Variants in IQCH observed in about 807,000 individuals in gnomAD.
IQCH encodes IQ motif containing H.
In IQCH, 98 loss-of-function variants were observed where a neutral mutation model predicts 117.0. The observed-to-expected ratio is 0.84, with a 90% CI of 0.71 to 0.99. The LOEUF is 0.99. IQCH is among the 50% of genes least tolerant of loss of function. The probability of loss-of-function intolerance (pLI) is 0.00; values close to 1 mark genes in which losing one functional copy is unlikely to be tolerated. For missense variants in IQCH, 1,102 were observed against 1,243.8 expected (o/e 0.89, Z 1.72); for synonymous variants, 412 against 448.2 (o/e 0.92, Z 1.02).
At chr15:67,358,198 C>CTTTTTTTTTTTTTT (rs1190464651) in intron 7 of IQCH, among the ~76,000 whole-genome samples, 1 of 5,466 alleles carries the variant, frequency 1.8e-4, no homozygotes, top group Non-Finnish European at 3.9e-4. Context: ...TCATGAGGCA[C>CTTTTTTTTTTTTTT]TTTCTTTTCT....
intron 10 of IQCH, 107 bp downstream of exon 10, chr15:67,373,540 C>T (rs754390729): frequency 5.6e-5 from 45 of 800,106 alleles, no homozygotes; most frequent in Admixed American, 1.1e-4. Context: ...AAATTGGTCT[C>T]GGCAGGAAAA....
At chr15:67,264,178 T>A (rs1965572547) in intron 3 of IQCH, among the ~76,000 whole-genome samples, 1 of 152,260 alleles carries the variant, frequency 6.6e-6, no homozygotes, top group Non-Finnish European at 1.5e-5. Flanking sequence ...AGCCCTTTCC[T>A]GGTCTTCCTA....
In IQCH at chr15:67,427,755, T is replaced by A. The variant is rs1567179482; in HGVS notation, c.2505+6178T>A. Among the ~76,000 whole-genome samples the A allele has an allele frequency of 1.3e-5, 2 of 152,128 alleles. No individual in the cohort carries two copies. On this transcript the variant is annotated intron_variant, in intron 16 of 20. Coordinates refer to ENST00000335894, the MANE Select transcript of IQCH (RefSeq NM_001031715.3). The surrounding 1 kb of genome is among the most constrained non-coding windows in gnomAD (Gnocchi z 4.7). ...TCACCAGGAAATAATCACAAAGATT[T>A]AAATACACATATATTAATCACATCA...
In IQCH at chr15:67,388,871, G is replaced by T; in HGVS notation, c.1497G>T (p.Met499Ile). 2 of 1,613,820 alleles carry T rather than the reference G, an allele frequency of 1.2e-6. No individual in the cohort carries two copies. The highest frequency in any genetic ancestry group is 1.7e-6 in the Non-Finnish European group (2 of 1,179,794). Residue 499 changes from methionine (M) to isoleucine (I), a missense_variant, in exon 12 of 21, where the codon ATG (methionine) becomes ATT (isoleucine). Transcript: ENST00000335894. This position sits in a 1 kb window ranked among gnomAD's most constrained non-coding sequence, Gnocchi z 5.5. The stretch of plus-strand genomic sequence containing the variant: ...TCATCTACATCTGCTCCCATCATAT[G>T]AATGACGAGTTAGTGCTGTATTACA... ...VNVIYICSHH[M>I]NDELVLYYKK...
At chr15:67,281,810 A>T (rs778004679) in intron 4 of IQCH, 2 of 453,846 alleles carry the variant, frequency 4.4e-6, no homozygotes, top group South Asian at 3.1e-5. Flanking sequence ...TTCACAGAGG[A>T]TTCTGCATAA....
chr15:67,338,233 ATCTATCTATCTATCTG>A (rs1596210187), intron 5 of IQCH, among the ~76,000 whole-genome samples: 3 of 143,700 alleles, frequency 2.1e-5, no homozygotes, highest in South Asian at 4.5e-4. Flanking sequence ...CTATCTATCT[ATCTATCTATCTATCTG>A]TCTGCTCTGC....
chr15:67,255,027 C>A, intron 1 of IQCH, 80 bp downstream of exon 1: 2 of 1,382,746 alleles, frequency 1.4e-6, no homozygotes, highest in East Asian at 2.4e-5. Flanking sequence ...GATTCACCGA[C>A]GCTCACCCAT....
At chr15:67,339,730 A>C (rs1969057377) in intron 5 of IQCH, among the ~76,000 whole-genome samples, 1 of 152,230 alleles carries the variant, frequency 6.6e-6, no homozygotes, top group East Asian at 1.9e-4. Flanking sequence ...CTCAAAAACC[A>C]AAAATTCACA....
At chr15:67,262,671 G>C (rs776824786) in intron 2 of IQCH, among the ~76,000 whole-genome samples, 3 of 152,126 alleles carry the variant, frequency 2.0e-5, no homozygotes, top group Non-Finnish European at 4.4e-5. Context: ...AATTTTATTT[G>C]TAAAGAGTGC....
At chr15:67,355,683 AT>A (rs753977090) in intron 6 of IQCH, among the ~76,000 whole-genome samples, 1 of 152,180 alleles carries the variant, frequency 6.6e-6, no homozygotes, top group Non-Finnish European at 1.5e-5. Context: ...CTCTGGCAAA[AT>A]TTACCAAACA....
At chr15:67,361,883 T>G (rs1226530809) in intron 8 of IQCH, among the ~76,000 whole-genome samples, 1 of 152,226 alleles carries the variant, frequency 6.6e-6, no homozygotes, top group African/African-American at 2.4e-5. Flanking sequence ...TAAAATTGCC[T>G]GTCAGGAAAT....
Position 67,395,595 on chromosome 15 carries a change from A to T in IQCH, c.1905+32A>T. 3.8e-6 allele frequency: 6 copies of T among 1,596,148 alleles called. No homozygotes were observed. The highest frequency in any genetic ancestry group is 5.1e-6 in the Non-Finnish European group (6 of 1,167,878). Reference sequence around the variant, plus strand: ...GGGGTGGACAAGTGAAGCTCTGTTCAAATATTTGAAACATCCTCTTGATCT... The same window carrying T: ...GGGGTGGACAAGTGAAGCTCTGTTCTAATATTTGAAACATCCTCTTGATCT... On this transcript the variant is annotated intron_variant, in intron 13 of 20. Transcript: ENST00000335894. This position sits in a 1 kb window ranked among gnomAD's most constrained non-coding sequence, Gnocchi z 4.0.
intron 4 of IQCH, among the ~76,000 whole-genome samples, chr15:67,319,193 C>T (rs1443608222): frequency 6.6e-6 from 1 of 152,150 alleles, no homozygotes; most frequent in Non-Finnish European, 1.5e-5. Context: ...GGCCACTGCA[C>T]TCCAGCCTGG....
chr15:67,443,629 G>T lies in IQCH; in HGVS notation c.2506-21498G>T, dbSNP rs931357555. On this transcript the variant is annotated intron_variant, in intron 16 of 20. Transcript: ENST00000335894. The surrounding 1 kb of genome is among the most constrained non-coding windows in gnomAD (Gnocchi z 5.0). ...TCCTACCTCCCACATATTACCTTCA[G>T]TCCTACAATTTGCTTTTCCTTTTTT... Among the ~76,000 whole-genome samples the T allele has an allele frequency of 5.3e-5, 8 of 152,252 alleles. No individual in the cohort carries two copies. Among genetic ancestry groups the T allele is most frequent in the Middle Eastern group, 3.4e-3 (1 of 294 alleles).
At chr15:67,299,049 G>A (rs923739047) in intron 4 of IQCH, among the ~76,000 whole-genome samples, 1 of 148,430 alleles carries the variant, frequency 6.7e-6, no homozygotes, top group Non-Finnish European at 1.5e-5. Context: ...AGAAAATGTG[G>A]CACTTACACA....
intron 10 of IQCH, among the ~76,000 whole-genome samples, chr15:67,380,388 C>A (rs1384649254): frequency 6.6e-6 from 1 of 152,200 alleles, no homozygotes; most frequent in Non-Finnish European, 1.5e-5. Flanking sequence ...CCCCAAAAAA[C>A]CAACTATTAG....
Position 67,321,991 on chromosome 15 carries a change from A to G in IQCH, c.388-14984A>G, listed in dbSNP as rs551732475. Among the ~76,000 whole-genome samples the G allele has an allele frequency of 1.1e-4, 16 of 152,348 alleles. No homozygotes were observed. The East Asian group carries it at 2.7e-3, about 26-fold the overall frequency. On this transcript the variant is annotated intron_variant, in intron 4 of 20. Transcript: ENST00000335894. ...AAATGTTAGGCCCAGGTAGCGGATGATGATTTTCAGCACATACTGATTTTT... is the reference window on the plus strand; with the variant it reads ...AAATGTTAGGCCCAGGTAGCGGATGGTGATTTTCAGCACATACTGATTTTT...
At position 67,397,415 on chromosome 15, in the gene IQCH, C is replaced by A. The variant is rs557532291; in HGVS notation, c.1905+1852C>A. On this transcript the variant is annotated intron_variant, in intron 13 of 20. Transcript: ENST00000335894. Reference sequence around the variant, plus strand: ...GATGTCATTTGACCTATGGTATGTGCAAATTGTATAACAATAAACCAATAT... The same window carrying A: ...GATGTCATTTGACCTATGGTATGTGAAAATTGTATAACAATAAACCAATAT... Among the ~76,000 whole-genome samples, 3 of 152,298 alleles carry A rather than the reference C, an allele frequency of 2.0e-5. No homozygotes were observed. The East Asian group carries it at 5.8e-4, about 29-fold the overall frequency.
At chr15:67,373,153 GTTAA>G (rs1970612177) in intron 9 of IQCH, among the ~76,000 whole-genome samples, 1 of 152,018 alleles carries the variant, frequency 6.6e-6, no homozygotes, top group Non-Finnish European at 1.5e-5. Context: ...TTCATATTCT[GTTAA>G]TTAAGTGAGC....
Sources: allele counts gnomAD v4.1 joint callset (sites outside exome capture counted in the v4.1 genomes callset), GRCh38; gene constraint gnomAD v4.1.1; non-coding constraint Gnocchi (gnomAD v3.1); transcripts MANE v1.5; gene names NCBI Gene and HGNC (gene_info 2026-07-23, HGNC 2026-07-21).